The following SEC24D variants were observed in gnomAD, a reference collection of about 807,000 sequenced individuals.
The protein encoded by SEC24D is protein transport protein Sec24D.
In SEC24D, 69 loss-of-function variants were observed where a neutral mutation model predicts 116.9. That is an observed-to-expected ratio of 0.59 (90% CI 0.49 to 0.72). SEC24D has a LOEUF of 0.72. SEC24D is among the 30% of genes least tolerant of loss of function. The pLI is 0.00. For missense variants in SEC24D, 1,131 were observed against 1,264.1 expected (o/e 0.89, Z 1.60); for synonymous variants, 405 against 442.8 (o/e 0.91, Z 1.07).
chr4:118,825,221 G>A (rs1166841951), intron 2 of SEC24D, among the ~76,000 whole-genome samples: 2 of 152,156 alleles, frequency 1.3e-5, no homozygotes, highest in Non-Finnish European at 2.9e-5. Context: ...CAGATGGGGA[G>A]TAGGGTCTAT....
chr4:118,827,220 C>G (rs1730626326), intron 2 of SEC24D, among the ~76,000 whole-genome samples: 1 of 152,130 alleles, frequency 6.6e-6, no homozygotes, highest in Non-Finnish European at 1.5e-5. Flanking sequence ...TGGCTGGGGT[C>G]AGACTGCAAA....
chr4:118,723,771 G>C lies in SEC24D; in HGVS notation c.2959-116C>G, dbSNP rs1041753286. ...ATTATTGAATGCCCATTATGTGTGA[G>C]GCTATGGAGGATGATGGGAAAGTGC... On this transcript the variant is annotated intron_variant, in intron 22 of 22. Coordinates refer to ENST00000280551, the MANE Select transcript of SEC24D (RefSeq NM_014822.4). The C allele has an allele frequency of 7.2e-5, 81 of 1,123,988 alleles. No homozygotes were observed. In the African/African-American group the frequency reaches 1.2e-3, roughly 17 times the overall value. The allele number at this position is 1,123,988 out of a possible 1,614,324, so 69.6% of individuals were successfully genotyped here. A position where few individuals can be genotyped will look rare whatever the true frequency, so the allele number is the denominator to read the frequency against.
chr4:118,726,954 T>C (rs954103320), intron 22 of SEC24D, among the ~76,000 whole-genome samples: 1 of 152,240 alleles, frequency 6.6e-6, no homozygotes, highest in Non-Finnish European at 1.5e-5. Flanking sequence ...CCTTTAAAAG[T>C]ATGTTTTCAT....
At chr4:118,728,923 G>A (rs749949362) in intron 21 of SEC24D, 3 of 296,386 alleles carry the variant, frequency 1.0e-5, no homozygotes, top group East Asian at 6.9e-5. Context: ...CAGCACAGAC[G>A]TAGTCAGCCC....
intron 21 of SEC24D, chr4:118,729,843 G>A (rs1266061552): frequency 1.3e-5 from 2 of 152,108 alleles, no homozygotes; most frequent in Admixed American, 6.5e-5. Flanking sequence ...ACAGGAGTAA[G>A]GAAAGCAAAA....
At position 118,740,735 on chromosome 4, in the gene SEC24D, A is replaced by G. The variant is rs1490430780; in HGVS notation, c.2166T>C (p.Asp722=). 2 of 1,613,938 alleles carry G rather than the reference A, an allele frequency of 1.2e-6. No individual in the cohort carries two copies. Among genetic ancestry groups the G allele is most frequent in the Admixed American group, 3.3e-5 (2 of 60,008 alleles). ...NTTDVEMAAI[D]CDKAVTVEFK... ...ACTCCACGGTCACTGCCTTGTCACA[A>G]TCGATGGCAGCCATTTCTACATCGG... Residue 722 remains aspartate, a synonymous_variant, in exon 17 of 23, where the codon GAT becomes GAC. Transcript: ENST00000280551.
At chr4:118,834,660 T>C (rs1201772962) in intron 1 of SEC24D, among the ~76,000 whole-genome samples, 2 of 152,198 alleles carry the variant, frequency 1.3e-5, no homozygotes, top group African/African-American at 4.8e-5. Flanking sequence ...ATGTCTGCCA[T>C]ACTTAACTGT....
intron 19 of SEC24D, among the ~76,000 whole-genome samples, chr4:118,737,427 G>C (rs1251879369): frequency 6.6e-6 from 1 of 152,178 alleles, no homozygotes; most frequent in Non-Finnish European, 1.5e-5. Context: ...TCTTTGCCCA[G>C]ATTAAGAATT....
Position 118,732,604 on chromosome 4 carries a change from T to A in SEC24D, c.2676+129A>T, listed in dbSNP as rs918142713. The A allele has an allele frequency of 1.2e-5, 10 of 863,666 alleles. No individual in the cohort carries two copies. In the South Asian group the frequency reaches 1.8e-4, roughly 15 times the overall value. 53.5% of individuals were successfully genotyped at this position (863,666 alleles called of 1,614,324 possible). A position where few individuals can be genotyped will look rare whatever the true frequency, so the allele number is the denominator to read the frequency against. ...CCTGCTCGAAATCCCACACCATATATTTTGAAGGCATTTGTGACTTTAACT... is the reference window on the plus strand; with the variant it reads ...CCTGCTCGAAATCCCACACCATATAATTTGAAGGCATTTGTGACTTTAACT... On this transcript the variant is annotated intron_variant, in intron 20 of 22. Transcript: ENST00000280551.
chr4:118,741,883 A>G (rs1436716411), intron 15 of SEC24D, among the ~76,000 whole-genome samples: 2 of 152,210 alleles, frequency 1.3e-5, no homozygotes, highest in Non-Finnish European at 2.9e-5. Flanking sequence ...AAGACTATTA[A>G]AATTTGTATT....
intron 2 of SEC24D, among the ~76,000 whole-genome samples, chr4:118,828,462 G>A (rs1284956469): frequency 1.3e-5 from 2 of 152,116 alleles, no homozygotes; most frequent in African/African-American, 4.8e-5. Context: ...TCAAGCAAGG[G>A]CGATTTTGCC....
intron 8 of SEC24D, among the ~76,000 whole-genome samples, chr4:118,784,825 C>T (rs1041004892): frequency 6.8e-6 from 1 of 146,720 alleles, no homozygotes; most frequent in Admixed American, 7.0e-5. Context: ...GAGAGAAACA[C>T]TGGAGTGGGG....
intron 6 of SEC24D, 96 bp downstream of exon 6, chr4:118,814,932 C>G (rs767457723): frequency 1.5e-6 from 2 of 1,353,082 alleles, no homozygotes; most frequent in Non-Finnish European, 2.1e-6. Context: ...AACTTCTATG[C>G]TAATGAACAG....
intron 1 of SEC24D, among the ~76,000 whole-genome samples, chr4:118,834,714 T>A (rs1731016395): frequency 6.6e-6 from 1 of 152,216 alleles, no homozygotes; most frequent in Non-Finnish European, 1.5e-5. Context: ...CCTCAGTTCC[T>A]TCTTTTAGAA....
chr4:118,817,219 C>T lies in SEC24D; in HGVS notation c.397+45G>A, dbSNP rs751598586. ...AGAAAACCTCTCTCATTAAAAATGA[C>T]CAGGACACAAGGCAGTCAATAAACA... On this transcript the variant is annotated intron_variant, in intron 4 of 22. Transcript: ENST00000280551. 4.7e-6 allele frequency: 7 copies of T among 1,489,744 alleles called. No individual in the cohort carries two copies. In the Admixed American group the frequency reaches 9.1e-5, roughly 19 times the overall value. 92.3% of individuals were successfully genotyped at this position (1,489,744 alleles called of 1,614,324 possible).
intron 14 of SEC24D, among the ~76,000 whole-genome samples, 163 bp downstream of exon 14, chr4:118,744,781 T>A (rs1726420284): frequency 6.6e-6 from 1 of 152,224 alleles, no homozygotes; most frequent in African/African-American, 2.4e-5. Context: ...GAATATAAAA[T>A]ATTTTAAGTT....
At chr4:118,742,378 G>GGC (rs1726268547) in intron 15 of SEC24D, among the ~76,000 whole-genome samples, 1 of 151,732 alleles carries the variant, frequency 6.6e-6, no homozygotes, top group South Asian at 2.1e-4. Context: ...AAAAGTGGGG[G>GGC]GGGGAAAGCT....
At chr4:118,773,714 G>T (rs1324793496) in intron 8 of SEC24D, among the ~76,000 whole-genome samples, 1 of 152,194 alleles carries the variant, frequency 6.6e-6, no homozygotes, top group African/African-American at 2.4e-5. Context: ...ATGCCCAGAG[G>T]CGAAAAGGAA....
At position 118,821,890 on chromosome 4, in the gene SEC24D, T is replaced by C. The variant is rs148840844; in HGVS notation, c.248+2730A>G. Among the ~76,000 whole-genome samples the C allele has an allele frequency of 3.5e-4, 53 of 152,338 alleles. 1 individual carries two copies. The highest frequency in any genetic ancestry group is 6.8e-3 in the Middle Eastern group (2 of 294). ...GAAATACTATACTTTTCCCTGACTTTTTCACTTTTTAACCCCAATTCTAAC... is the reference window on the plus strand; with the variant it reads ...GAAATACTATACTTTTCCCTGACTTCTTCACTTTTTAACCCCAATTCTAAC... On this transcript the variant is annotated intron_variant, in intron 3 of 22. Coordinates refer to ENST00000280551, the MANE Select transcript of SEC24D (RefSeq NM_014822.4).
Sources: allele counts gnomAD v4.1 joint callset (sites outside exome capture counted in the v4.1 genomes callset), GRCh38; gene constraint gnomAD v4.1.1; transcripts MANE v1.5; gene names NCBI Gene and HGNC (gene_info 2026-07-23, HGNC 2026-07-21).